The following LIPC variants were observed in gnomAD, a reference collection of about 807,000 sequenced individuals.
LIPC encodes hepatic triacylglycerol lipase.
In LIPC, 44 loss-of-function variants were observed where a neutral mutation model predicts 50.7. The observed-to-expected ratio is 0.87, with a 90% CI of 0.68 to 1.11. LIPC has a LOEUF of 1.11. Ranked by LOEUF, LIPC falls within the 50% of genes most tolerant of loss-of-function variation. The probability of loss-of-function intolerance (pLI) is 0.00; values close to 1 mark genes in which losing one functional copy is unlikely to be tolerated. For synonymous variants in LIPC, 271 were observed against 256.4 expected (o/e 1.06, Z -0.54); for missense variants, 697 against 648.2 (o/e 1.08, Z -0.82).
At chr15:58,483,293 G>A (rs1595886763) in intron 1 of LIPC, among the ~76,000 whole-genome samples, 1 of 152,160 alleles carries the variant, frequency 6.6e-6, no homozygotes, top group South Asian at 2.1e-4. Context: ...ATGACCCTTG[G>A]TAACAAAAGT....
chr15:58,502,136 T>G (rs1425059921), intron 1 of LIPC, among the ~76,000 whole-genome samples: 1 of 152,110 alleles, frequency 6.6e-6, no homozygotes, highest in Non-Finnish European at 1.5e-5. Context: ...GACACTACAG[T>G]TCCCAGAGTG....
At chr15:58,558,735 C>A (rs1894049323) in intron 6 of LIPC, among the ~76,000 whole-genome samples, 1 of 151,986 alleles carries the variant, frequency 6.6e-6, no homozygotes, top group Admixed American at 6.6e-5. Flanking sequence ...TTCCATGAAA[C>A]CCATCCCTGA....
rs755550316 is a variant in LIPC at position 58,432,027 on chromosome 15, G to A, written c.-6G>A. 1.6e-5 allele frequency: 25 copies of A among 1,610,608 alleles called. No homozygotes were observed. Among genetic ancestry groups the A allele is most frequent in the Middle Eastern group, 3.3e-4 (2 of 6,076 alleles). On this transcript the variant is annotated 5_prime_UTR_variant, in exon 1 of 9. Transcript: ENST00000299022. ...AGAAAGCCTGGACCCCGGGTGAAAC[G>A]GAGAAATGGACACAAGTCCCCTGTG...
At chr15:58,453,713 C>T (rs1464461618) in intron 1 of LIPC, among the ~76,000 whole-genome samples, 1 of 151,618 alleles carries the variant, frequency 6.6e-6, no homozygotes, top group Non-Finnish European at 1.5e-5. Context: ...CCAGCCTGGG[C>T]AATATGGTGA....
intron 1 of LIPC, among the ~76,000 whole-genome samples, chr15:58,506,348 T>C (rs1157075488): frequency 6.6e-6 from 1 of 152,078 alleles, no homozygotes; most frequent in East Asian, 1.9e-4. Context: ...TTCTTTGGCA[T>C]GGGCACATTG....
chr15:58,530,819 A>G (rs1256619667), intron 1 of LIPC, among the ~76,000 whole-genome samples: 4 of 152,180 alleles, frequency 2.6e-5, no homozygotes, highest in African/African-American at 9.7e-5. Flanking sequence ...AGATGTATCC[A>G]TGTTCTGGCA....
intron 1 of LIPC, among the ~76,000 whole-genome samples, chr15:58,450,663 A>C (rs1043347826): frequency 5.3e-5 from 8 of 152,208 alleles, no homozygotes; most frequent in African/African-American, 1.9e-4. Flanking sequence ...CAAGCTACCC[A>C]CTGGTGGTCT....
intron 1 of LIPC, among the ~76,000 whole-genome samples, chr15:58,483,910 T>G (rs1566924342): frequency 6.6e-6 from 1 of 152,240 alleles, no homozygotes; most frequent in Non-Finnish European, 1.5e-5. Context: ...TTAAAGTGAC[T>G]TTCCCAGCCG....
chr15:58,544,557 G>A (rs1006474443), intron 4 of LIPC, among the ~76,000 whole-genome samples: 9 of 151,792 alleles, frequency 5.9e-5, no homozygotes, highest in East Asian at 5.8e-4. Context: ...CACCACGCCC[G>A]GCTAATTTTT....
intron 8 of LIPC, among the ~76,000 whole-genome samples, chr15:58,567,313 ATG>A (rs1263975292): frequency 0.15 from 5,398 of 36,084 alleles, 179 homozygotes; most frequent in African/African-American, 0.22. Context: ...ATACATATAT[ATG>A]TATATGTGTA....
chr15:58,509,680 T>C (rs188103146), intron 1 of LIPC, among the ~76,000 whole-genome samples: 1 of 152,314 alleles, frequency 6.6e-6, no homozygotes, highest in East Asian at 1.9e-4. Flanking sequence ...ATACGCAGTG[T>C]TTTGCCACAT....
intron 1 of LIPC, among the ~76,000 whole-genome samples, chr15:58,468,852 G>A (rs1245665131): frequency 6.6e-6 from 1 of 152,154 alleles, no homozygotes; most frequent in African/African-American, 2.4e-5. Context: ...TAACAACCCA[G>A]GTCCAGTAAA....
At chr15:58,464,443 A>C (rs1220961982) in intron 1 of LIPC, among the ~76,000 whole-genome samples, 4 of 152,272 alleles carry the variant, frequency 2.6e-5, no homozygotes, top group African/African-American at 4.8e-5. Context: ...ACATCATAGC[A>C]AATACTTAAC....
chr15:58,499,185 G>A (rs1367251579), intron 1 of LIPC, among the ~76,000 whole-genome samples: 1 of 152,206 alleles, frequency 6.6e-6, no homozygotes, highest in Admixed American at 6.5e-5. Flanking sequence ...TGTTCTCAGA[G>A]GCAGCTCTAT....
intron 1 of LIPC, among the ~76,000 whole-genome samples, chr15:58,438,373 C>T (rs1206670556): frequency 6.6e-6 from 1 of 152,166 alleles, no homozygotes; most frequent in Non-Finnish European, 1.5e-5. Flanking sequence ...CAGCGATTCT[C>T]ACAGCCAGGA....
chr15:58,565,835 G>C, intron 8 of LIPC: 1 of 984,534 alleles, frequency 1.0e-6, no homozygotes, highest in Non-Finnish European at 1.2e-6. Context: ...CGGGTTATGG[G>C]AGCTATAATT....
At chr15:58,433,545 A>G (rs1279507883) in intron 1 of LIPC, among the ~76,000 whole-genome samples, 3 of 152,184 alleles carry the variant, frequency 2.0e-5, no homozygotes. Context: ...AGGCTCATTC[A>G]TTCTCACTGC....
chr15:58,565,214 GCTCGCTC>G, intron 8 of LIPC: 1 of 1,535,716 alleles, frequency 6.5e-7, no homozygotes, highest in South Asian at 1.2e-5. Context: ...AGATTAAACT[GCTCGCTC>G]CTCTTCTGCA....
chr15:58,503,639 G>A (rs139827587), intron 1 of LIPC, among the ~76,000 whole-genome samples: 2 of 152,356 alleles, frequency 1.3e-5, no homozygotes, highest in East Asian at 1.9e-4. Context: ...GGAATGTGAA[G>A]GGCAGGGTTC....
Sources: allele counts gnomAD v4.1 joint callset (sites outside exome capture counted in the v4.1 genomes callset), GRCh38; gene constraint gnomAD v4.1.1; transcripts MANE v1.5; gene names NCBI Gene and HGNC (gene_info 2026-07-23, HGNC 2026-07-21).